The following CNTN3 variants were observed in gnomAD, a reference collection of about 807,000 sequenced individuals.
CNTN3 encodes contactin-3.
A neutral mutation model predicts 119.1 loss-of-function variants in CNTN3; 60 were observed. That is an observed-to-expected ratio of 0.50 (90% CI 0.41 to 0.62). The LOEUF is 0.62. CNTN3 is among the 20% of genes least tolerant of loss of function. CNTN3 has a pLI of 0.00. For missense variants in CNTN3, 1,101 were observed against 1,242.4 expected (o/e 0.89, Z 1.71); for synonymous variants, 450 against 438.7 (o/e 1.03, Z -0.32).
chr3:74,407,778 T>C (rs1002468950), intron 5 of CNTN3, among the ~76,000 whole-genome samples: 2 of 151,838 alleles, frequency 1.3e-5, no homozygotes, highest in Non-Finnish European at 2.9e-5. Context: ...CAAATATATA[T>C]AAATAAAAAA....
intron 5 of CNTN3, among the ~76,000 whole-genome samples, chr3:74,388,267 A>C (rs1351322550): frequency 6.6e-6 from 1 of 152,184 alleles, no homozygotes; most frequent in Non-Finnish European, 1.5e-5. Flanking sequence ...CTACACTGTA[A>C]ATATTTATTG....
chr3:74,413,931 CACAATAACA>C (rs1003763107), intron 5 of CNTN3, among the ~76,000 whole-genome samples: 5 of 152,144 alleles, frequency 3.3e-5, no homozygotes, highest in African/African-American at 7.2e-5. Flanking sequence ...GGCACAGACA[CACAATAACA>C]ACAATAACAA....
chr3:74,607,460 C>T (rs1042641731), intron 1 of CNTN3, among the ~76,000 whole-genome samples: 13 of 152,172 alleles, frequency 8.5e-5, no homozygotes, highest in African/African-American at 2.9e-4. Context: ...TGAGTTAGAA[C>T]CTGCATGAAG....
intron 13 of CNTN3, among the ~76,000 whole-genome samples, chr3:74,311,366 T>C (rs1315379158): frequency 6.6e-6 from 1 of 152,114 alleles, no homozygotes; most frequent in African/African-American, 2.4e-5. Context: ...ACTATTTTCC[T>C]GGTAAAGTGC....
chr3:74,306,214 CAA>C (rs79818182), intron 13 of CNTN3, among the ~76,000 whole-genome samples: 7 of 84,182 alleles, frequency 8.3e-5, no homozygotes, highest in Non-Finnish European at 5.1e-5. Flanking sequence ...GAGAAATGTC[CAA>C]AAAAAAAAAA....
At chr3:74,528,513 G>T (rs989160658) in intron 1 of CNTN3, among the ~76,000 whole-genome samples, 10 of 151,850 alleles carry the variant, frequency 6.6e-5, no homozygotes, top group Non-Finnish European at 1.5e-4. Flanking sequence ...TTCACTTTTA[G>T]AATTAACCCA....
chr3:74,504,582 C>G (rs1318142173), intron 2 of CNTN3, among the ~76,000 whole-genome samples: 1 of 152,112 alleles, frequency 6.6e-6, no homozygotes, highest in African/African-American at 2.4e-5. Flanking sequence ...CAGAGGAAGA[C>G]AAAGTATTCG....
chr3:74,275,635 A>G (rs568937731), intron 20 of CNTN3, among the ~76,000 whole-genome samples: 45 of 152,298 alleles, frequency 3.0e-4, no homozygotes, highest in African/African-American at 1.1e-3. Flanking sequence ...ATCTTGAAGC[A>G]AATCCTGGAA....
At chr3:74,482,845 T>C (rs894125744) in intron 4 of CNTN3, among the ~76,000 whole-genome samples, 1 of 152,164 alleles carries the variant, frequency 6.6e-6, no homozygotes, top group Non-Finnish European at 1.5e-5. Flanking sequence ...AATCCCTTCT[T>C]TCAGTTAGCG....
chr3:74,499,550 A>G (rs1020358986), intron 3 of CNTN3, 109 bp downstream of exon 3: 1 of 998,388 alleles, frequency 1.0e-6, no homozygotes, highest in Non-Finnish European at 1.4e-6. Context: ...AGCTTCACGT[A>G]TTTTTTTCTT....
At chr3:74,399,337 C>A (rs964893654) in intron 5 of CNTN3, among the ~76,000 whole-genome samples, 12 of 152,048 alleles carry the variant, frequency 7.9e-5, no homozygotes, top group African/African-American at 2.7e-4. Flanking sequence ...TTGTTCCCCC[C>A]ATCCATGTGA....
chr3:74,390,196 T>A (rs1704861205), intron 5 of CNTN3, among the ~76,000 whole-genome samples: 1 of 152,222 alleles, frequency 6.6e-6, no homozygotes, highest in Non-Finnish European at 1.5e-5. Context: ...AACAGTTGAC[T>A]TAGGGCTCTA....
At chr3:74,492,858 C>T (rs1379873142) in intron 3 of CNTN3, among the ~76,000 whole-genome samples, 4 of 152,018 alleles carry the variant, frequency 2.6e-5, no homozygotes, top group Non-Finnish European at 4.4e-5. Context: ...TCAAAAGGTG[C>T]TTTTCAAAGT....
chr3:74,373,466 G>C (rs986290898), intron 5 of CNTN3, among the ~76,000 whole-genome samples: 1 of 152,142 alleles, frequency 6.6e-6, no homozygotes. Flanking sequence ...AATATAGCAG[G>C]CCTTAGCAGG....
At chr3:74,527,335 G>T (rs1703634585) in intron 1 of CNTN3, among the ~76,000 whole-genome samples, 1 of 151,762 alleles carries the variant, frequency 6.6e-6, no homozygotes, top group African/African-American at 2.4e-5. Flanking sequence ...TTTGCTTCTG[G>T]TCTTCTAGCA....
chr3:74,292,195 G>A (rs560534021), intron 19 of CNTN3, among the ~76,000 whole-genome samples: 5 of 152,284 alleles, frequency 3.3e-5, no homozygotes, highest in Admixed American at 1.3e-4. Flanking sequence ...AATATTTACT[G>A]GAGAGAAATA....
At chr3:74,343,740 G>T (rs1703605597) in intron 11 of CNTN3, among the ~76,000 whole-genome samples, 1 of 152,196 alleles carries the variant, frequency 6.6e-6, no homozygotes, top group Admixed American at 6.5e-5. Flanking sequence ...AAACTTGACT[G>T]TGTACCAGTT....
At chr3:74,315,253 A>T (rs1702801566) in intron 13 of CNTN3, among the ~76,000 whole-genome samples, 1 of 152,186 alleles carries the variant, frequency 6.6e-6, no homozygotes, top group Admixed American at 6.5e-5. Context: ...TCTCATGAAT[A>T]ATCCATCCCT....
chr3:74,605,639 T>C (rs1054390859), intron 1 of CNTN3, among the ~76,000 whole-genome samples: 5 of 152,140 alleles, frequency 3.3e-5, no homozygotes, highest in African/African-American at 1.2e-4. Context: ...CATCACTGGC[T>C]ACCAGTTTTG....
Sources: gnomAD v4.1 joint callset for allele counts (sites outside exome capture counted in the v4.1 genomes callset) on GRCh38, gnomAD v4.1.1 for gene constraint, MANE v1.5 for transcripts, NCBI Gene and HGNC (gene_info 2026-07-23, HGNC 2026-07-21) for gene names.